Variants in KIF5A observed in about 807,000 individuals in gnomAD.
KIF5A encodes the protein kinesin heavy chain isoform 5A.
Under a neutral mutation model 141.3 loss-of-function variants are expected in KIF5A, and 35 were observed. The ratio of observed to expected loss-of-function variants is 0.25; its 90% CI spans 0.19 to 0.33. KIF5A has a LOEUF of 0.33. KIF5A is among the 10% of genes least tolerant of loss of function. KIF5A has a pLI of 1.00. For synonymous variants in KIF5A, 448 were observed against 500.2 expected (o/e 0.90, Z 1.39); for missense variants, 861 against 1,314.3 (o/e 0.66, Z 5.33).
At chr12:57,577,839 A>G in intron 21 of KIF5A, 66 bp downstream of exon 21, 1 of 1,403,000 alleles carries the variant, frequency 7.1e-7, no homozygotes, top group Non-Finnish European at 1.0e-6. Context: ...TTTCTTCCTA[A>G]CCCTATTCCT....
At chr12:57,558,148 T>C (rs1396444831) in intron 1 of KIF5A, among the ~76,000 whole-genome samples, 1 of 152,236 alleles carries the variant, frequency 6.6e-6, no homozygotes, top group African/African-American at 2.4e-5. Context: ...GGCTCATGCC[T>C]GTAATCTAAG....
intron 1 of KIF5A, among the ~76,000 whole-genome samples, chr12:57,557,111 A>T (rs1175506428): frequency 6.6e-6 from 1 of 152,222 alleles, no homozygotes; most frequent in African/African-American, 2.4e-5. Context: ...GGTCATAATT[A>T]TGCGCCTAAT....
chr12:57,567,409 C>A, intron 7 of KIF5A, 85 bp from the exon 8 acceptor site: 3 of 975,996 alleles, frequency 3.1e-6, no homozygotes, highest in Non-Finnish European at 2.8e-6. Context: ...TCTGGGTGGG[C>A]GGGGCTGGGG....
chr12:57,574,808 C>T (rs139099043), intron 15 of KIF5A, among the ~76,000 whole-genome samples: 180 of 152,190 alleles, frequency 1.2e-3, no homozygotes, highest in African/African-American at 4.2e-3. Flanking sequence ...GTCTCGAACT[C>T]CTGACCTCAG....
In KIF5A at chr12:57,572,363, G is replaced by A; in HGVS notation, c.1569+96G>A. 7.5e-7 allele frequency: 1 copy of A among 1,324,758 alleles called. No individual in the cohort carries two copies. The highest frequency in any genetic ancestry group is 1.1e-6 in the Non-Finnish European group (1 of 942,026). The allele number at this position is 1,324,758 out of a possible 1,614,324, so 82.1% of individuals were successfully genotyped here. A position where few individuals can be genotyped will look rare whatever the true frequency, so the allele number is the denominator to read the frequency against. Reference sequence around the variant, plus strand: ...ATCCTTCCAGGGCTGTATGGTGGCTGCACCTCTGCACTGCTGTTCAGTGCA... The same window carrying A: ...ATCCTTCCAGGGCTGTATGGTGGCTACACCTCTGCACTGCTGTTCAGTGCA... On this transcript the variant is annotated intron_variant, in intron 14 of 28. Coordinates refer to ENST00000455537, the MANE Select transcript of KIF5A (RefSeq NM_004984.4). This position sits in a 1 kb window ranked among gnomAD's most constrained non-coding sequence, Gnocchi z 4.2.
Position 57,550,483 on chromosome 12 carries a change from G to A in KIF5A, c.129+83G>A. On this transcript the variant is annotated intron_variant, in intron 1 of 28. Transcript: ENST00000455537. The surrounding 1 kb of genome is among the most constrained non-coding windows in gnomAD (Gnocchi z 4.6). Reference sequence around the variant, plus strand: ...CCCCGCAGAGCCTTAGTCTCTGCTGGTCCCTTTGCTCCCCCTCCCCGCCGC... The same window carrying A: ...CCCCGCAGAGCCTTAGTCTCTGCTGATCCCTTTGCTCCCCCTCCCCGCCGC... 2 of 1,443,338 alleles carry A rather than the reference G, an allele frequency of 1.4e-6. No homozygotes were observed. Among genetic ancestry groups the A allele is most frequent in the Non-Finnish European group, 1.9e-6 (2 of 1,037,362 alleles). 89.4% of individuals were successfully genotyped at this position (1,443,338 alleles called of 1,614,324 possible).
At chr12:57,561,166 A>G (rs538436537) in intron 1 of KIF5A, among the ~76,000 whole-genome samples, 1 of 152,018 alleles carries the variant, frequency 6.6e-6, no homozygotes, top group South Asian at 2.1e-4. Context: ...CAGCCTCCTG[A>G]GTAGCTGGAA....
Position 57,550,404 on chromosome 12 carries a change from A to T in KIF5A, c.129+4A>T. The T allele has an allele frequency of 6.2e-7, 1 of 1,613,862 alleles. No individual in the cohort carries two copies. The highest frequency in any genetic ancestry group is 8.5e-7 in the Non-Finnish European group (1 of 1,179,892). On this transcript the variant is annotated splice_donor_region_variant and intron_variant, in intron 1 of 28. Transcript: ENST00000455537. This position sits in a 1 kb window ranked among gnomAD's most constrained non-coding sequence, Gnocchi z 4.6. ...GGACGACAGCGTCGTTATTGGGGTG[A>T]GTGTCGCCCAGGAGGGAATTCGGGG...
In KIF5A at chr12:57,550,552, T is replaced by A; in HGVS notation, c.129+152T>A. ...CCCGCAGCCCCTCCTCTCCCCTGCA[T>A]CAGGATGGCTGGGTGTGGCCTGGCC... is the stretch of plus-strand genomic sequence containing the variant. On this transcript the variant is annotated intron_variant, in intron 1 of 28. Transcript: ENST00000455537. The surrounding 1 kb of genome is among the most constrained non-coding windows in gnomAD (Gnocchi z 4.6). The A allele has an allele frequency of 1.2e-6, 1 of 819,394 alleles. No homozygotes were observed. The highest frequency in any genetic ancestry group is 1.9e-6 in the Non-Finnish European group (1 of 518,202). The allele number at this position is 819,394 out of a possible 1,614,324, so 50.8% of individuals were successfully genotyped here. A position where few individuals can be genotyped will look rare whatever the true frequency, so the allele number is the denominator to read the frequency against.
chr12:57,571,995 G>A (rs1882268879), intron 13 of KIF5A, 66 bp from the exon 14 acceptor site: 5 of 1,426,310 alleles, frequency 3.5e-6, no homozygotes, highest in Admixed American at 1.8e-5. Flanking sequence ...CAGCTTCCCA[G>A]ACCCAAGGCC....
chr12:57,561,229 G>A (rs538257469), intron 1 of KIF5A, among the ~76,000 whole-genome samples: 16 of 151,660 alleles, frequency 1.1e-4, no homozygotes, highest in African/African-American at 3.9e-4. Flanking sequence ...TTGTAGAGAT[G>A]GGGTTTCACC....
At chr12:57,564,043 A>T in intron 3 of KIF5A, 65 bp from the exon 4 acceptor site, 1 of 1,134,482 alleles carries the variant, frequency 8.8e-7, no homozygotes. Flanking sequence ...GTTCACCTGC[A>T]TACATCTGAG....
intron 27 of KIF5A, 128 bp from the exon 28 acceptor site, chr12:57,582,973 A>G (rs992118857): frequency 5.0e-6 from 4 of 800,300 alleles, no homozygotes; most frequent in African/African-American, 1.7e-5. Flanking sequence ...GTTTCCCTGT[A>G]TTCCTGTAAA....
intron 15 of KIF5A, 72 bp from the exon 16 acceptor site, chr12:57,575,012 T>C (rs1235599687): frequency 3.5e-6 from 5 of 1,425,510 alleles, no homozygotes; most frequent in Admixed American, 1.7e-5. Flanking sequence ...TATGGGTAGG[T>C]AGAAGGTGGG....
chr12:57,553,011 T>C (rs1881626378), intron 1 of KIF5A, among the ~76,000 whole-genome samples: 1 of 152,110 alleles, frequency 6.6e-6, no homozygotes, highest in Non-Finnish European at 1.5e-5. Flanking sequence ...ACCTGGGGGA[T>C]GGGGCTTAGC....
Position 57,584,292 on chromosome 12 carries a change from C to A in KIF5A, c.*111C>A, listed in dbSNP as rs1882693355. 1 of 152,610 alleles carries A rather than the reference C, an allele frequency of 6.6e-6. No homozygotes were observed. The highest frequency in any genetic ancestry group is 6.6e-5 in the Admixed American group (1 of 15,264). The allele number at this position is 152,610 out of a possible 1,614,324, so 9.5% of individuals were successfully genotyped here. On this transcript the variant is annotated 3_prime_UTR_variant, in exon 29 of 29. Coordinates refer to ENST00000455537, the MANE Select transcript of KIF5A (RefSeq NM_004984.4). ...CTCTGATACTAACTCCCTCCCCAAC[C>A]CCTGTTGTTGGACTGTACTATGTTT...
At chr12:57,577,963 CA>C in intron 21 of KIF5A, 45 bp from the exon 22 acceptor site, 2 of 1,475,320 alleles carry the variant, frequency 1.4e-6, no homozygotes, top group Non-Finnish European at 1.9e-6. Context: ...AGGAATAGGA[CA>C]GACCTGGTAT....
At chr12:57,553,266 A>G (rs1197119566) in intron 1 of KIF5A, among the ~76,000 whole-genome samples, 2 of 151,836 alleles carry the variant, frequency 1.3e-5, no homozygotes, top group Non-Finnish European at 2.9e-5. Flanking sequence ...ACACACACAC[A>G]CTCTTTCTCT....
rs373258651 is a variant in KIF5A at position 57,572,543 on chromosome 12, G to A, written c.1570-37G>A. On this transcript the variant is annotated intron_variant, in intron 14 of 28. Transcript: ENST00000455537. This position sits in a 1 kb window ranked among gnomAD's most constrained non-coding sequence, Gnocchi z 4.2. ...GCCTGGGCTGGGCAAGGGAGCAGGA[G>A]GATGGCAACAGGAATGACCTGAGGG... 1.8e-4 allele frequency: 284 copies of A among 1,613,818 alleles called. No individual in the cohort carries two copies. The highest frequency in any genetic ancestry group is 2.2e-4 in the Non-Finnish European group (265 of 1,179,996).
Sources: gnomAD v4.1 joint callset for allele counts (sites outside exome capture counted in the v4.1 genomes callset) on GRCh38, gnomAD v4.1.1 for gene constraint, Gnocchi (gnomAD v3.1) non-coding constraint, MANE v1.5 for transcripts, NCBI Gene and HGNC (gene_info 2026-07-23, HGNC 2026-07-21) for gene names.